The following TMX1 variants were observed in gnomAD, a reference collection of about 807,000 sequenced individuals.
TMX1 encodes thioredoxin-related transmembrane protein 1.
In TMX1, 25 loss-of-function variants were observed where a neutral mutation model predicts 36.6. The ratio of observed to expected loss-of-function variants is 0.68; its 90% confidence interval spans 0.50 to 0.95. The LOEUF is 0.95. Among genes scored for constraint, TMX1 ranks in the 40% least tolerant of loss-of-function variants. The pLI is 0.00. For synonymous variants in TMX1, 133 were observed against 118.0 expected (o/e 1.13, Z -0.82); for missense variants, 347 against 339.6 (o/e 1.02, Z -0.17).
chr14:51,241,659 G>C (rs1228019364), intron 1 of TMX1, among the ~76,000 whole-genome samples: 1 of 152,076 alleles, frequency 6.6e-6, no homozygotes, highest in Non-Finnish European at 1.5e-5. Context: ...AGAGATCCTG[G>C]GCAACTAGCA....
chr14:51,249,227 A>C (rs2065799857), intron 4 of TMX1, 99 bp from the exon 5 acceptor site: 6 of 990,690 alleles, frequency 6.1e-6, no homozygotes, highest in Non-Finnish European at 8.9e-6. Context: ...TAACAGCAAT[A>C]AAATCTGTCA....
chr14:51,254,305 A>G, intron 7 of TMX1, 36 bp from the exon 8 acceptor site: 1 of 1,554,338 alleles, frequency 6.4e-7, no homozygotes, highest in Non-Finnish European at 8.6e-7. Flanking sequence ...AATCTAATAC[A>G]TCAACAAAAA....
In TMX1 at chr14:51,252,435, A is replaced by G. The variant is rs530452083; in HGVS notation, c.665-1906A>G. 9.9e-5 allele frequency among the ~76,000 whole-genome samples: 15 copies of G among 151,712 alleles called. No individual in the cohort carries two copies. In the South Asian group the frequency reaches 3.1e-3, roughly 32 times the overall value. ...CAACTCTACCACTTAGTAGCAAAGC[A>G]GTATGACAGACATTTTTTACCCTCT... is the stretch of plus-strand genomic sequence containing the variant. On this transcript the variant is annotated intron_variant, in intron 7 of 7. Transcript: ENST00000457354.
intron 1 of TMX1, among the ~76,000 whole-genome samples, chr14:51,241,478 ATACTT>A (rs764178820): frequency 1.3e-5 from 2 of 152,214 alleles, no homozygotes; most frequent in Non-Finnish European, 1.5e-5. Context: ...AGATACCTAA[ATACTT>A]TAGTTAACCT....
chr14:51,245,475 A>C, intron 3 of TMX1, 117 bp downstream of exon 3: 1 of 1,547,532 alleles, frequency 6.5e-7, no homozygotes. Context: ...TATATTCAGC[A>C]GGTATTTTAG....
intron 4 of TMX1, among the ~76,000 whole-genome samples, chr14:51,248,006 G>A (rs2065794669): frequency 6.6e-6 from 1 of 152,194 alleles, no homozygotes; most frequent in Non-Finnish European, 1.5e-5. Context: ...GATGTCAAGC[G>A]ACTGAATTAT....
intron 3 of TMX1, 166 bp downstream of exon 3, chr14:51,245,524 G>T: frequency 6.7e-7 from 1 of 1,496,952 alleles, no homozygotes; most frequent in Non-Finnish European, 9.0e-7. Flanking sequence ...GGTGCCTTTA[G>T]GTAGTTGAGT....
rs182673948 is a variant in TMX1, at chr14:51,240,489, C to T, written c.152+45C>T. 303 of 1,586,020 alleles carry T rather than the reference C, an allele frequency of 1.9e-4. No individual in the cohort carries two copies. In the African/African-American group the frequency reaches 3.8e-3, roughly 20 times the overall value. On this transcript the variant is annotated intron_variant, in intron 1 of 7. Transcript: ENST00000457354. ...GGTCCTACGTCCGTGCCTGGACACA[C>T]GACTTCACCCCGCACGTTCCTCGTG...
chr14:51,243,120 C>CCTGTGGTGTATT (rs1234248873), intron 1 of TMX1, among the ~76,000 whole-genome samples: 1 of 150,660 alleles, frequency 6.6e-6, no homozygotes, highest in East Asian at 1.9e-4. Context: ...AAAGAACAAC[C>CCTGTGGTGTATT]CTGTGGTGTA....
intron 1 of TMX1, among the ~76,000 whole-genome samples, chr14:51,242,653 A>G (rs905538210): frequency 9.2e-5 from 14 of 152,118 alleles, no homozygotes; most frequent in African/African-American, 3.1e-4. Flanking sequence ...GTGGGCAGGC[A>G]TCTGTAGTCC....
At chr14:51,245,246 C>T in intron 2 of TMX1, 67 bp from the exon 3 acceptor site, 1 of 1,575,452 alleles carries the variant, frequency 6.3e-7, no homozygotes, top group South Asian at 1.1e-5. Context: ...TTAAATAATT[C>T]AAAGTCACGT....
intron 7 of TMX1, 82 bp downstream of exon 7, chr14:51,249,847 T>C: frequency 8.9e-7 from 1 of 1,117,928 alleles, no homozygotes; most frequent in Non-Finnish European, 1.3e-6. Flanking sequence ...TTTCACAGGT[T>C]GCTCTTCCAG....
chr14:51,249,281 T>C (rs2065800214), intron 4 of TMX1, 45 bp from the exon 5 acceptor site: 1 of 1,496,550 alleles, frequency 6.7e-7, no homozygotes, highest in East Asian at 2.3e-5. Context: ...TATAGACAAA[T>C]CTGTGTATGT....
At chr14:51,252,039 A>G (rs553581212) in intron 7 of TMX1, among the ~76,000 whole-genome samples, 197 of 152,162 alleles carry the variant, frequency 1.3e-3, no homozygotes, top group African/African-American at 4.0e-3. Context: ...TGGTGTACAC[A>G]AAGAGGTAAG....
intron 3 of TMX1, 73 bp downstream of exon 3, chr14:51,245,431 T>A: frequency 6.3e-7 from 1 of 1,594,904 alleles, no homozygotes; most frequent in Non-Finnish European, 8.6e-7. Context: ...GGCCTCTGGC[T>A]TGGATCATGC....
At chr14:51,243,814 A>G in intron 1 of TMX1, 42 bp from the exon 2 acceptor site, 1 of 1,448,742 alleles carries the variant, frequency 6.9e-7, no homozygotes, top group Non-Finnish European at 9.4e-7. Flanking sequence ...TGGTCATACT[A>G]AAGTGCTTAA....
Position 51,247,233 on chromosome 14 carries a change from G to C in TMX1, c.443+13G>C, listed in dbSNP as rs1389746635. On this transcript the variant is annotated intron_variant, in intron 4 of 7. Transcript: ENST00000457354. ...CAGGTTCTGTTCTGTAAGTATGAGGGCTTTTTCTCTTACCCATTTCATAAT... is the reference window on the plus strand; with the variant it reads ...CAGGTTCTGTTCTGTAAGTATGAGGCCTTTTTCTCTTACCCATTTCATAAT... 3 of 1,600,656 alleles carry C rather than the reference G, an allele frequency of 1.9e-6. No individual in the cohort carries two copies. The African/African-American group carries it at 4.1e-5, about 22-fold the overall frequency.
chr14:51,249,250 T>A, intron 4 of TMX1, 76 bp from the exon 5 acceptor site: 1 of 1,236,562 alleles, frequency 8.1e-7, no homozygotes, highest in Non-Finnish European at 1.1e-6. Flanking sequence ...TTGGGGAAAT[T>A]ATAGAGTAGA....
At chr14:51,248,780 A>G (rs1596406507) in intron 4 of TMX1, among the ~76,000 whole-genome samples, 1 of 152,204 alleles carries the variant, frequency 6.6e-6, no homozygotes, top group Non-Finnish European at 1.5e-5. Context: ...ATTTTTGCTT[A>G]TATGATGACT....
Sources: allele counts gnomAD v4.1 joint callset (sites outside exome capture counted in the v4.1 genomes callset), GRCh38; gene constraint gnomAD v4.1.1; transcripts MANE v1.5; gene names NCBI Gene and HGNC (gene_info 2026-07-23, HGNC 2026-07-21).